The following PEX7 variants were observed in gnomAD, a reference collection of about 807,000 sequenced individuals.
PEX7 encodes PTS2 receptor.
Under a neutral mutation model 47.5 loss-of-function variants are expected in PEX7, and 34 were observed. That is an observed-to-expected ratio of 0.72 (90% confidence interval 0.54 to 0.95). PEX7 has a LOEUF of 0.95. Ranked by LOEUF, PEX7 falls within the 40% of genes least tolerant of loss-of-function variation. PEX7 has a pLI of 0.00. For synonymous variants in PEX7, 141 were observed against 148.8 expected (o/e 0.95, Z 0.38); for missense variants, 394 against 400.3 (o/e 0.98, Z 0.13).
chr6:136,913,573 C>A lies in PEX7; in HGVS notation c.*47C>A. The A allele has an allele frequency of 8.6e-7, 1 of 1,157,762 alleles. No individual in the cohort carries two copies. The highest frequency in any genetic ancestry group is 1.3e-6 in the Non-Finnish European group (1 of 764,610). 71.7% of individuals were successfully genotyped at this position (1,157,762 alleles called of 1,614,324 possible). On this transcript the variant is annotated 3_prime_UTR_variant, in exon 10 of 10. Transcript: ENST00000318471. Reference sequence around the variant, plus strand: ...ACAGAGGATGTTGGCTGAAGAACTGCCTAACAGCAAATAAATTAACTATGG... The same window carrying A: ...ACAGAGGATGTTGGCTGAAGAACTGACTAACAGCAAATAAATTAACTATGG...
intron 3 of PEX7, among the ~76,000 whole-genome samples, chr6:136,831,174 C>T (rs1774286158): frequency 6.6e-6 from 1 of 152,080 alleles, no homozygotes; most frequent in Non-Finnish European, 1.5e-5. Context: ...TTCCACATGA[C>T]TGGGGAGGCC....
intron 8 of PEX7, among the ~76,000 whole-genome samples, chr6:136,883,402 A>T (rs1159356849): frequency 1.3e-5 from 2 of 152,134 alleles, no homozygotes; most frequent in African/African-American, 4.8e-5. Flanking sequence ...AACCAAATCC[A>T]GTCCACTTGT....
intron 3 of PEX7, among the ~76,000 whole-genome samples, chr6:136,840,372 T>G (rs1421302550): frequency 6.6e-6 from 1 of 152,150 alleles, no homozygotes; most frequent in African/African-American, 2.4e-5. Context: ...TATTTATATA[T>G]TTTTTGCTTT....
intron 5 of PEX7, among the ~76,000 whole-genome samples, chr6:136,848,085 G>T (rs547712018): frequency 6.6e-6 from 1 of 152,070 alleles, no homozygotes; most frequent in Non-Finnish European, 1.5e-5. Flanking sequence ...GGATTCCTAG[G>T]TATTTTATTC....
intron 3 of PEX7, among the ~76,000 whole-genome samples, chr6:136,835,461 G>A (rs1459168950): frequency 6.6e-6 from 1 of 151,678 alleles, no homozygotes; most frequent in African/African-American, 2.4e-5. Context: ...GCTGATTTTT[G>A]TATTTTTAGT....
intron 3 of PEX7, among the ~76,000 whole-genome samples, chr6:136,840,526 G>A (rs959364759): frequency 2.0e-5 from 3 of 152,090 alleles, no homozygotes; most frequent in African/African-American, 7.2e-5. Context: ...CATATAGTGT[G>A]AAACCACTGA....
intron 5 of PEX7, among the ~76,000 whole-genome samples, chr6:136,861,511 C>G (rs779903270): frequency 2.0e-5 from 3 of 151,814 alleles, no homozygotes; most frequent in Non-Finnish European, 4.4e-5. Flanking sequence ...ATATAAATTC[C>G]TGAAAGTTAG....
rs1236779327 is a variant in PEX7 at position 136,869,937 on chromosome 6, C to T, written c.681C>T (p.Asp227=). 2 of 1,614,050 alleles carry T rather than the reference C, an allele frequency of 1.2e-6. No homozygotes were observed. Among genetic ancestry groups the T allele is most frequent in the Admixed American group, 3.3e-5 (2 of 59,998 alleles). Residue 227 remains aspartate, a synonymous_variant, in exon 7 of 10, where the codon GAC becomes GAT. Transcript: ENST00000318471. ...GAVDCSLRGW[D]LRNVRQPVFE... ...TTGACTGTAGTTTGAGAGGCTGGGACTTAAGGAATGTACGACAACCAGTGT... is the reference window on the plus strand; with the variant it reads ...TTGACTGTAGTTTGAGAGGCTGGGATTTAAGGAATGTACGACAACCAGTGT...
chr6:136,899,898 G>T (rs1775724307), intron 9 of PEX7, among the ~76,000 whole-genome samples: 1 of 152,112 alleles, frequency 6.6e-6, no homozygotes, highest in Admixed American at 6.5e-5. Flanking sequence ...ATTATAGATG[G>T]ATTTTAATAA....
intron 5 of PEX7, among the ~76,000 whole-genome samples, chr6:136,850,529 T>C (rs1451779468): frequency 6.6e-6 from 1 of 152,156 alleles, no homozygotes; most frequent in East Asian, 1.9e-4. Context: ...GGACTTTACT[T>C]CATCAACCTC....
chr6:136,873,631 T>C (rs1775218363), intron 8 of PEX7, among the ~76,000 whole-genome samples: 1 of 152,182 alleles, frequency 6.6e-6, no homozygotes. Flanking sequence ...TGATTTTTCT[T>C]AAAATTCCCT....
chr6:136,826,832 A>G (rs1774201754), intron 3 of PEX7, among the ~76,000 whole-genome samples: 1 of 152,068 alleles, frequency 6.6e-6, no homozygotes, highest in African/African-American at 2.4e-5. Flanking sequence ...ACATCACAAG[A>G]TTGCCTTTGG....
At position 136,890,272 on chromosome 6, in the gene PEX7, G is replaced by A. The variant is rs952574385; in HGVS notation, c.804-7870G>A. On this transcript the variant is annotated intron_variant, in intron 8 of 9. Coordinates refer to ENST00000318471, the MANE Select transcript of PEX7 (RefSeq NM_000288.4). ...TATTATTTACAGTATGTGTGTCTGT[G>A]CACACATGTGTAAAACAGAAACCAT... is the stretch of plus-strand genomic sequence containing the variant. Among the ~76,000 whole-genome samples the A allele has an allele frequency of 5.9e-5, 9 of 152,146 alleles. No individual in the cohort carries two copies. In the South Asian group the frequency reaches 1.5e-3, roughly 25 times the overall value.
At chr6:136,908,774 T>C (rs1775885212) in intron 9 of PEX7, among the ~76,000 whole-genome samples, 1 of 152,234 alleles carries the variant, frequency 6.6e-6, no homozygotes, top group Non-Finnish European at 1.5e-5. Flanking sequence ...AATGCAATTA[T>C]AACTTTTAAA....
At chr6:136,844,499 G>A (rs1774560046) in intron 3 of PEX7, among the ~76,000 whole-genome samples, 1 of 152,072 alleles carries the variant, frequency 6.6e-6, no homozygotes, top group Non-Finnish European at 1.5e-5. Flanking sequence ...TTTCTTGTGT[G>A]TGAGATAAGA....
chr6:136,868,403 C>A (rs893264126), intron 6 of PEX7, among the ~76,000 whole-genome samples: 3 of 151,710 alleles, frequency 2.0e-5, no homozygotes, highest in South Asian at 2.1e-4. Context: ...TGGCAGAGTT[C>A]TTTAAATAAA....
intron 8 of PEX7, among the ~76,000 whole-genome samples, chr6:136,893,377 C>G (rs1190417049): frequency 6.6e-6 from 1 of 152,172 alleles, no homozygotes; most frequent in Non-Finnish European, 1.5e-5. Flanking sequence ...CTGCTGTCTC[C>G]CTGGCTAACT....
chr6:136,896,759 GC>G (rs1562756365), intron 8 of PEX7, among the ~76,000 whole-genome samples: 1 of 152,046 alleles, frequency 6.6e-6, no homozygotes, highest in Non-Finnish European at 1.5e-5. Flanking sequence ...GAACATAGTA[GC>G]CACATGCAGA....
chr6:136,872,087 G>C, intron 7 of PEX7, 111 bp from the exon 8 acceptor site: 1 of 945,462 alleles, frequency 1.1e-6, no homozygotes, highest in East Asian at 2.5e-5. Context: ...TTAAGTGACA[G>C]CTCTGACTCA....
Sources: gnomAD v4.1 joint callset for allele counts (sites outside exome capture counted in the v4.1 genomes callset) on GRCh38, gnomAD v4.1.1 for gene constraint, MANE v1.5 for transcripts, NCBI Gene and HGNC (gene_info 2026-07-23, HGNC 2026-07-21) for gene names.